Variants in HDX observed in about 807,000 individuals in gnomAD.
The protein encoded by HDX is highly divergent homeobox.
In HDX, 19 loss-of-function variants were observed where a neutral mutation model predicts 45.2. The ratio of observed to expected loss-of-function variants is 0.42; its 90% confidence interval spans 0.29 to 0.62. HDX has a LOEUF of 0.62. HDX is among the 20% of genes least tolerant of loss of function. HDX has a pLI of 0.20. For synonymous variants in HDX, 188 were observed against 172.8 expected (o/e 1.09, Z -0.69); for missense variants, 532 against 493.9 (o/e 1.08, Z -0.73).
At chrX:84,419,031 T>C (rs758673055) in intron 5 of HDX, among the ~76,000 whole-genome samples, 1 of 111,763 alleles carries the variant, frequency 8.9e-6, no homozygotes, top group Admixed American at 9.5e-5. Context: ...AGACACAACA[T>C]AGGCCAGAAA....
intron 2 of HDX, among the ~76,000 whole-genome samples, chrX:84,484,661 A>G (rs1211136438): frequency 8.9e-6 from 1 of 111,957 alleles, no homozygotes. Flanking sequence ...TAAGTGTCTC[A>G]TTTTCTCCAC....
At chrX:84,448,695 T>A (rs1297589789) in intron 4 of HDX, among the ~76,000 whole-genome samples, 1 of 110,357 alleles carries the variant, frequency 9.1e-6, no homozygotes, top group East Asian at 2.9e-4. Flanking sequence ...GCAACTGTTA[T>A]ACCAGATGCT....
chrX:84,358,521 G>A (rs762411537), intron 6 of HDX, among the ~76,000 whole-genome samples: 9 of 111,038 alleles, frequency 8.1e-5, no homozygotes, highest in Non-Finnish European at 1.3e-4. Flanking sequence ...CCTTAAAATA[G>A]AAATAATGTC....
At chrX:84,390,258 C>G (rs1288910372) in intron 5 of HDX, among the ~76,000 whole-genome samples, 1 of 111,145 alleles carries the variant, frequency 9.0e-6, no homozygotes, top group Admixed American at 9.6e-5. Flanking sequence ...ACATGTGCCT[C>G]TAGTTTTAAA....
intron 3 of HDX, among the ~76,000 whole-genome samples, chrX:84,472,998 T>C (rs2040480359): frequency 9.9e-6 from 1 of 100,883 alleles, no homozygotes; most frequent in Admixed American, 1.1e-4. Flanking sequence ...GAATTTGGGG[T>C]TAGGAACTAA....
intron 7 of HDX, among the ~76,000 whole-genome samples, chrX:84,340,446 T>A (rs1254424297): frequency 9.0e-6 from 1 of 110,974 alleles, no homozygotes; most frequent in Non-Finnish European, 1.9e-5. Context: ...GTTTTTGAAA[T>A]ACTATGGGCA....
chrX:84,378,376 G>T (rs2038105674), intron 5 of HDX, among the ~76,000 whole-genome samples: 1 of 111,422 alleles, frequency 9.0e-6, no homozygotes, highest in Non-Finnish European at 1.9e-5. Context: ...TAACTGTGGA[G>T]TATAAACTAC....
intron 5 of HDX, among the ~76,000 whole-genome samples, chrX:84,365,346 C>A (rs1450953607): frequency 9.0e-6 from 1 of 111,106 alleles, no homozygotes; most frequent in African/African-American, 3.3e-5. Flanking sequence ...TAGGGATGGC[C>A]AAAACCATGA....
rs2040986041 is a variant in HDX at position 84,495,687 on chromosome X, CT to C, written c.-110+6654del. 5.4e-5 allele frequency among the ~76,000 whole-genome samples: 6 copies of C among 111,662 alleles called. No homozygotes were observed. In the South Asian group the frequency reaches 2.2e-3, roughly 41 times the overall value. Reference sequence around the variant, plus strand: ...AAAAATAAAACAAAAACAAAAGATACTTAAGGCAGAATATCTCAAACAGAGA... The same window carrying C: ...AAAAATAAAACAAAAACAAAAGATACTAAGGCAGAATATCTCAAACAGAGA... On this transcript the variant is annotated intron_variant, in intron 1 of 10. Transcript: ENST00000373177.
At position 84,469,024 on chromosome X, in the gene HDX, A is replaced by T; in HGVS notation, c.699T>A (p.Pro233=). 1.7e-6 allele frequency: 2 copies of T among 1,211,501 alleles called. No individual in the cohort carries two copies. The highest frequency in any genetic ancestry group is 2.2e-6 in the Non-Finnish European group (2 of 895,286). The part of the protein sequence containing the change: ...EPVGIQRSYK[P]EHTGPALHNL... Reference sequence around the variant, plus strand: ...TATGTAATGCTGGGCCTGTGTGTTCAGGCTTATATGACCTTTGAATCCCAA... The same window carrying T: ...TATGTAATGCTGGGCCTGTGTGTTCTGGCTTATATGACCTTTGAATCCCAA... Residue 233 remains proline (P), a synonymous_variant, in exon 4 of 11, where the codon CCT becomes CCA. Coordinates refer to ENST00000373177, the MANE Select transcript of HDX (RefSeq NM_001177479.2).
rs377737598 is a variant in HDX, at chrX:84,434,851, T to G, written c.1305+5681A>C. On this transcript the variant is annotated intron_variant, in intron 5 of 10. Transcript: ENST00000373177. ...TATTATTAACTGAATCTCATTATTT[T>G]TATTTGTCCCTTCAGATTTTCTTTA... Among the ~76,000 whole-genome samples the G allele has an allele frequency of 4.5e-5, 5 of 111,494 alleles. No homozygotes were observed. The East Asian group carries it at 1.4e-3, about 31-fold the overall frequency.
At position 84,410,757 on chromosome X, in the gene HDX, A is replaced by T. The variant is rs988788665; in HGVS notation, c.1305+29775T>A. 4.5e-5 allele frequency among the ~76,000 whole-genome samples: 5 copies of T among 111,517 alleles called. No homozygotes were observed. In the East Asian group the frequency reaches 1.1e-3, roughly 25 times the overall value. On this transcript the variant is annotated intron_variant, in intron 5 of 10. Transcript: ENST00000373177. ...GGAGAAATGATACCAGCTCTTCCAT[A>T]TATGTCTGGTAGAATTTAGCTGTGA...
intron 5 of HDX, among the ~76,000 whole-genome samples, chrX:84,417,173 T>G (rs200954347): frequency 2.6e-4 from 10 of 38,102 alleles, no homozygotes; most frequent in East Asian, 1.0e-3. Flanking sequence ...AAAGAAAGAA[T>G]GAAAGAAAGA....
At chrX:84,364,104 C>T (rs2037684333) in intron 5 of HDX, among the ~76,000 whole-genome samples, 1 of 111,580 alleles carries the variant, frequency 9.0e-6, no homozygotes, top group South Asian at 3.7e-4. Context: ...TTTAAAATAA[C>T]ATTAAATGAC....
intron 4 of HDX, among the ~76,000 whole-genome samples, chrX:84,455,034 G>C (rs185932285): frequency 1.8e-5 from 2 of 111,474 alleles, no homozygotes; most frequent in Non-Finnish European, 1.9e-5. Flanking sequence ...CACTTATGCA[G>C]ATATAGCTGC....
At chrX:84,396,720 TG>T (rs2038574991) in intron 5 of HDX, among the ~76,000 whole-genome samples, 1 of 111,592 alleles carries the variant, frequency 9.0e-6, no homozygotes, top group Non-Finnish European at 1.9e-5. Flanking sequence ...AGTGTGTGCC[TG>T]TAAGTGTCAG....
At chrX:84,373,718 C>A (rs777265363) in intron 5 of HDX, among the ~76,000 whole-genome samples, 1 of 110,888 alleles carries the variant, frequency 9.0e-6, no homozygotes, top group East Asian at 2.8e-4. Context: ...ACTCTTCATG[C>A]TAAAAACTCT....
At chrX:84,347,200 T>G (rs1317796244) in intron 6 of HDX, among the ~76,000 whole-genome samples, 2 of 110,868 alleles carry the variant, frequency 1.8e-5, no homozygotes, top group Non-Finnish European at 3.8e-5. Context: ...TTCTAGTTTC[T>G]ATTTTTTTCA....
chrX:84,357,084 T>A (rs2037505874), intron 6 of HDX, among the ~76,000 whole-genome samples: 1 of 111,519 alleles, frequency 9.0e-6, no homozygotes, highest in Non-Finnish European at 1.9e-5. Context: ...ACCAGAGGCA[T>A]GATGAAGTTT....
Sources: gnomAD v4.1 joint callset for allele counts (sites outside exome capture counted in the v4.1 genomes callset) on GRCh38, gnomAD v4.1.1 for gene constraint, MANE v1.5 for transcripts, NCBI Gene and HGNC (gene_info 2026-07-23, HGNC 2026-07-21) for gene names.